The following ADAMTS7 variants were observed in gnomAD, a reference collection of about 807,000 sequenced individuals.
The protein encoded by ADAMTS7 is ADAM metallopeptidase with thrombospondin type 1 motif 7.
In ADAMTS7, 89 loss-of-function variants were observed where a neutral mutation model predicts 172.6. That is an observed-to-expected ratio of 0.52 (90% CI 0.43 to 0.61). ADAMTS7 has a LOEUF of 0.61. Ranked by LOEUF, ADAMTS7 falls within the 20% of genes least tolerant of loss-of-function variation. The pLI, the probability that ADAMTS7 is intolerant of heterozygous loss-of-function variation, is 0.00. For synonymous variants in ADAMTS7, 885 were observed against 978.4 expected (o/e 0.90, Z 1.78); for missense variants, 1,973 against 2,355.6 (o/e 0.84, Z 3.36).
chr15:78,774,021 G>C (rs1172441231), intron 13 of ADAMTS7, 146 bp downstream of exon 13: 1 of 1,308,378 alleles, frequency 7.6e-7, no homozygotes, highest in Non-Finnish European at 1.0e-6. Context: ...AGGGTGGCCC[G>C]AGGAGGACCA....
intron 4 of ADAMTS7, among the ~76,000 whole-genome samples, chr15:78,795,235 G>A (rs1209759063): frequency 1.3e-5 from 2 of 152,242 alleles, no homozygotes; most frequent in African/African-American, 4.8e-5. Flanking sequence ...GGGCCCTGCT[G>A]TCCAGCAATA....
intron 9 of ADAMTS7, chr15:78,777,127 G>A: frequency 1.8e-6 from 1 of 563,814 alleles, no homozygotes; most frequent in Non-Finnish European, 3.2e-6. Flanking sequence ...ATCACTTCAG[G>A]CGATCTTCGC....
rs200826200 is a variant in ADAMTS7, at chr15:78,764,116, G to A, written c.4420-17C>T. ...GCGGGAGCACTGGGGACCGAGAGACGTGTATGGACACATCCCCATGTGCAG... is the reference window on the plus strand; with the variant it reads ...GCGGGAGCACTGGGGACCGAGAGACATGTATGGACACATCCCCATGTGCAG... On this transcript the variant is annotated splice_polypyrimidine_tract_variant and intron_variant, in intron 20 of 23. Coordinates refer to ENST00000388820, the MANE Select transcript of ADAMTS7 (RefSeq NM_014272.5). 19 of 1,509,096 alleles carry A rather than the reference G, an allele frequency of 1.3e-5. No homozygotes were observed. The highest frequency in any genetic ancestry group is 8.3e-5 in the African/African-American group (6 of 72,188). 93.5% of individuals were successfully genotyped at this position (1,509,096 alleles called of 1,614,324 possible).
rs1421391038 is a variant in ADAMTS7, at chr15:78,765,704, G to C, written c.4207C>G (p.Pro1403Ala). Residue 1403 changes from proline to alanine, a missense_variant, in exon 19 of 24, where the codon CCC becomes GCC. By Grantham distance (27) the Pro-to-Ala change is conservative. This residue lies in a region of ADAMTS7 where 771 missense variants were observed against 952.6 expected (regional missense o/e 0.81). Transcript: ENST00000388820. Reference protein sequence around the residue: ...PLAPSLAEAGPPADPLVVRNA... With the variant: ...PLAPSLAEAGAPADPLVVRNA... ...CTGACAACCAACGGGTCCGCGGGGGGCCCCGCTTCAGCCAGGCTGGGAGCC... is the reference window on the plus strand; with the variant it reads ...CTGACAACCAACGGGTCCGCGGGGGCCCCCGCTTCAGCCAGGCTGGGAGCC... The C allele has an allele frequency of 2.5e-6, 4 of 1,610,558 alleles. No individual in the cohort carries two copies. Among genetic ancestry groups the C allele is most frequent in the South Asian group, 2.2e-5 (2 of 90,958 alleles).
At chr15:78,770,250 T>C (rs2055225288) in intron 16 of ADAMTS7, among the ~76,000 whole-genome samples, 1 of 151,696 alleles carries the variant, frequency 6.6e-6, no homozygotes, top group South Asian at 2.1e-4. Context: ...ATGGGTTTCC[T>C]AGCTTTGGAA....
intron 8 of ADAMTS7, among the ~76,000 whole-genome samples, chr15:78,780,493 A>G (rs1177204773): frequency 1.3e-5 from 2 of 151,910 alleles, no homozygotes; most frequent in Non-Finnish European, 2.9e-5. Context: ...CTCCCTGTAG[A>G]AATGCTGGCT....
chr15:78,788,339 C>A lies in ADAMTS7; in HGVS notation c.1214G>T (p.Cys405Phe). Residue 405 changes from cysteine (C) to phenylalanine (F), a missense_variant, in exon 8 of 24, where the codon TGT becomes TTT. Transcript: ENST00000388820. ...GIQHDGSGNDCEPVGKRPFIM... is the reference protein window; with the variant it reads ...GIQHDGSGNDFEPVGKRPFIM... ...GAAAGGTCGTTTCCCAACGGGCTCA[C>A]AGTCATTGCCGCTTCCGTCATGCTG... 1 of 1,613,312 alleles carries A rather than the reference C, an allele frequency of 6.2e-7. No homozygotes were observed. The highest frequency in any genetic ancestry group is 8.5e-7 in the Non-Finnish European group (1 of 1,180,004).
chr15:78,761,755 T>C lies in ADAMTS7; in HGVS notation c.4903+648A>G, dbSNP rs559334861. 2.0e-5 allele frequency among the ~76,000 whole-genome samples: 3 copies of C among 152,150 alleles called. No individual in the cohort carries two copies. In the East Asian group the frequency reaches 5.8e-4, roughly 30 times the overall value. On this transcript the variant is annotated intron_variant, in intron 23 of 23. Coordinates refer to ENST00000388820, the MANE Select transcript of ADAMTS7 (RefSeq NM_014272.5). The stretch of plus-strand genomic sequence containing the variant: ...GTGTGTGTGTGTTGGCGTGTGTGTG[T>C]GTGTGCGCGCACGCACACATGCTGG...
At chr15:78,782,705 A>G (rs1310149271) in intron 8 of ADAMTS7, among the ~76,000 whole-genome samples, 3 of 152,082 alleles carry the variant, frequency 2.0e-5, no homozygotes, top group East Asian at 1.9e-4. Flanking sequence ...GCCTGCAGGG[A>G]GGAACCACCC....
chr15:78,771,105 G>A lies in ADAMTS7; in HGVS notation c.2518+57C>T, dbSNP rs2055240728. 2 of 1,525,352 alleles carry A rather than the reference G, an allele frequency of 1.3e-6. No homozygotes were observed. The highest frequency in any genetic ancestry group is 1.8e-6 in the Non-Finnish European group (2 of 1,130,596). The allele number at this position is 1,525,352 out of a possible 1,614,324, so 94.5% of individuals were successfully genotyped here. A position where few individuals can be genotyped will look rare whatever the true frequency, so the allele number is the denominator to read the frequency against. On this transcript the variant is annotated intron_variant, in intron 16 of 23. Transcript: ENST00000388820. This position sits in a 1 kb window ranked among gnomAD's most constrained non-coding sequence, Gnocchi z 4.9. ...CAGTGAGCTGGGAGCTGAAGCCAGT[G>A]TCCCTGTCCAGACACTAAGCCCCTG...
In ADAMTS7 at chr15:78,767,665, C is replaced by T. The variant is rs1166756187; in HGVS notation, c.2646-73G>A. The stretch of plus-strand genomic sequence containing the variant: ...CTGCAGGCTCACCAGCAGGGGGGGC[C>T]AGGCTGGGCTTCCAGGCCCTCGGCA... On this transcript the variant is annotated intron_variant, in intron 17 of 23. Transcript: ENST00000388820. The T allele has an allele frequency of 2.1e-6, 3 of 1,405,316 alleles. No homozygotes were observed. The East Asian group carries it at 7.5e-5, about 35-fold the overall frequency. 87.1% of individuals were successfully genotyped at this position (1,405,316 alleles called of 1,614,324 possible).
chr15:78,806,125 CACAAAAAAAAAAAAAA>C (rs1309833964), intron 1 of ADAMTS7, among the ~76,000 whole-genome samples: 184 of 18,360 alleles, frequency 0.01, no homozygotes, highest in African/African-American at 0.027. Context: ...CACACACACA[CACAAAAAAAAAAAAAA>C]AAAAAAAAAA....
Position 78,777,569 on chromosome 15 carries a change from G to C in ADAMTS7, c.1342C>G (p.Leu448Val). The C allele has an allele frequency of 6.2e-7, 1 of 1,606,722 alleles. No homozygotes were observed. The highest frequency in any genetic ancestry group is 8.5e-7 in the Non-Finnish European group (1 of 1,176,892). Residue 448 changes from leucine (L) to valine (V), a missense_variant, in exon 9 of 24, where the codon CTG becomes GTG. Physicochemically the swap from Leu to Val is conservative, Grantham distance 32. Transcript: ENST00000388820. Reference protein sequence around the residue: ...RFLDRGWGLCLDDPPAKDIID... With the variant: ...RFLDRGWGLCVDDPPAKDIID... ...ATGTCCTTGGCAGGAGGGTCGTCCA[G>C]GCACAGGCCCCACCCACGGCTAAAG...
chr15:78,764,184 TC>T (rs3830240), intron 20 of ADAMTS7, 85 bp from the exon 21 acceptor site: 1,057,156 of 1,428,448 alleles, frequency 0.74, 393,280 homozygotes, highest in Non-Finnish European at 0.76. Flanking sequence ...GGGAAAGGCA[TC>T]CAGGCCCACG....
rs2055245471 is a variant in ADAMTS7, at chr15:78,771,339, G to C, written c.2377-36C>G. The C allele has an allele frequency of 6.2e-7, 1 of 1,611,276 alleles. No individual in the cohort carries two copies. The highest frequency in any genetic ancestry group is 8.5e-7 in the Non-Finnish European group (1 of 1,178,438). ...AGGCGGGGGCCCATGAGCACAAGGTGTCTTCTCCATCCACCCAGTCCTAAA... is the reference window on the plus strand; with the variant it reads ...AGGCGGGGGCCCATGAGCACAAGGTCTCTTCTCCATCCACCCAGTCCTAAA... On this transcript the variant is annotated intron_variant, in intron 15 of 23. Coordinates refer to ENST00000388820, the MANE Select transcript of ADAMTS7 (RefSeq NM_014272.5). This position sits in a 1 kb window ranked among gnomAD's most constrained non-coding sequence, Gnocchi z 4.9.
intron 1 of ADAMTS7, chr15:78,810,375 G>T (rs1251439269): frequency 1.3e-5 from 2 of 152,284 alleles, no homozygotes; most frequent in African/African-American, 4.8e-5. Flanking sequence ...TTCCCAGGCC[G>T]GCTGCGTCGG....
Position 78,771,904 on chromosome 15 carries a change from C to A in ADAMTS7, c.2132-75G>T. 1.9e-6 allele frequency: 3 copies of A among 1,548,376 alleles called. No homozygotes were observed. Among genetic ancestry groups the A allele is most frequent in the Non-Finnish European group, 1.7e-6 (2 of 1,151,296 alleles). On this transcript the variant is annotated intron_variant, in intron 14 of 23. Transcript: ENST00000388820. The surrounding 1 kb of genome is among the most constrained non-coding windows in gnomAD (Gnocchi z 4.9). ...TTATCCCCACCCGCTCCCCTCATGT[C>A]TCTCCCCACTTGCCTCCGCCTGCTG...
intron 23 of ADAMTS7, 26 bp from the exon 24 acceptor site, chr15:78,759,604 C>T: frequency 1.3e-6 from 2 of 1,555,832 alleles, no homozygotes; most frequent in Non-Finnish European, 1.7e-6. Flanking sequence ...AGAGAGGCAT[C>T]AGAACCAGTA....
intron 8 of ADAMTS7, among the ~76,000 whole-genome samples, chr15:78,784,655 C>T (rs566913076): frequency 1.3e-5 from 2 of 152,076 alleles, no homozygotes; most frequent in African/African-American, 4.8e-5. Context: ...AAGGCATATA[C>T]TGTAAAATTT....
Sources: allele counts gnomAD v4.1 joint callset (sites outside exome capture counted in the v4.1 genomes callset), GRCh38; gene constraint gnomAD v4.1.1; regional missense constraint gnomAD v4.1.1; non-coding constraint Gnocchi (gnomAD v3.1); transcripts MANE v1.5; gene names NCBI Gene and HGNC (gene_info 2026-07-23, HGNC 2026-07-21).